The following GRM8 variants were observed in gnomAD, a reference collection of about 807,000 sequenced individuals.
GRM8 encodes the protein metabotropic glutamate receptor 8.
Under a neutral mutation model 87.2 loss-of-function variants are expected in GRM8, and 47 were observed. That is an observed-to-expected ratio of 0.54 (90% confidence interval 0.43 to 0.69). The LOEUF is 0.69. GRM8 is among the 30% of genes least tolerant of loss of function. The pLI is 0.00. For missense variants in GRM8, 1,019 were observed against 1,139.2 expected, an observed-to-expected ratio of 0.89 and a Z score of 1.52; for synonymous variants, 396 against 404.5, an observed-to-expected ratio of 0.98 and a Z score of 0.25.
At chr7:126,960,305 G>T (rs1456860675) in intron 3 of GRM8, among the ~76,000 whole-genome samples, 3 of 152,128 alleles carry the variant, frequency 2.0e-5, no homozygotes, top group Non-Finnish European at 4.4e-5. Flanking sequence ...ATGCAATACT[G>T]TTTTATTCAG....
At chr7:127,152,681 C>T (rs1356168828) in intron 2 of GRM8, among the ~76,000 whole-genome samples, 1 of 152,086 alleles carries the variant, frequency 6.6e-6, no homozygotes, top group East Asian at 1.9e-4. Context: ...TTGTTTTGAG[C>T]TCTCTTTATA....
intron 3 of GRM8, among the ~76,000 whole-genome samples, chr7:127,065,980 T>C (rs989208698): frequency 3.9e-5 from 6 of 152,248 alleles, no homozygotes; most frequent in Non-Finnish European, 7.3e-5. Flanking sequence ...CTGAAACTTT[T>C]GCTGAAAAGC....
At chr7:127,205,674 G>T (rs952909922) in intron 2 of GRM8, among the ~76,000 whole-genome samples, 1 of 152,114 alleles carries the variant, frequency 6.6e-6, no homozygotes, top group Non-Finnish European at 1.5e-5. Flanking sequence ...CTATGGCAGG[G>T]TAGAGAGAGA....
chr7:126,639,526 A>G (rs150160423), intron 7 of GRM8, among the ~76,000 whole-genome samples: 41 of 152,196 alleles, frequency 2.7e-4, no homozygotes, highest in African/African-American at 7.7e-4. Flanking sequence ...TTACATTAGT[A>G]GGGGTCATAA....
At chr7:127,115,222 C>T (rs186031502) in intron 2 of GRM8, among the ~76,000 whole-genome samples, 2 of 152,166 alleles carry the variant, frequency 1.3e-5, no homozygotes, top group South Asian at 4.1e-4. Flanking sequence ...TCCACGGCAG[C>T]CAGCAGACAG....
intron 7 of GRM8, among the ~76,000 whole-genome samples, chr7:126,707,692 T>C (rs73449067): frequency 0.017 from 2,626 of 152,182 alleles, 64 homozygotes; most frequent in African/African-American, 0.059. Flanking sequence ...TGAAACACTA[T>C]CTACATGAGA....
Position 126,685,622 on chromosome 7 carries a change from C to T in GRM8, c.1358-76124G>A, listed in dbSNP as rs1290272759. Among the ~76,000 whole-genome samples the T allele has an allele frequency of 6.6e-6, 1 of 152,086 alleles. No individual in the cohort carries two copies. Among genetic ancestry groups the T allele is most frequent in the Non-Finnish European group, 1.5e-5 (1 of 67,992 alleles). ...AGCACTGTTGCAGTTTGGCCAGGGGCATATGCTCAGGGCAGCAGTGACCCA... is the reference window on the plus strand; with the variant it reads ...AGCACTGTTGCAGTTTGGCCAGGGGTATATGCTCAGGGCAGCAGTGACCCA... On this transcript the variant is annotated intron_variant, in intron 7 of 10. Transcript: ENST00000339582. This position sits in a 1 kb window ranked among gnomAD's most constrained non-coding sequence, Gnocchi z 4.2.
At chr7:126,876,867 T>A (rs997971402) in intron 6 of GRM8, among the ~76,000 whole-genome samples, 2 of 151,930 alleles carry the variant, frequency 1.3e-5, no homozygotes, top group African/African-American at 4.8e-5. Flanking sequence ...ACTTGGGAAA[T>A]ATACAGTACT....
chr7:126,537,749 C>A (rs1440075211), intron 8 of GRM8, among the ~76,000 whole-genome samples: 3 of 152,032 alleles, frequency 2.0e-5, no homozygotes, highest in Non-Finnish European at 4.4e-5. Flanking sequence ...CGCACTCCAG[C>A]CTGGGTGACA....
At chr7:126,908,580 A>T (rs1298606599) in intron 3 of GRM8, among the ~76,000 whole-genome samples, 1 of 152,228 alleles carries the variant, frequency 6.6e-6, no homozygotes, top group East Asian at 1.9e-4. Flanking sequence ...TAAGTTCTGA[A>T]AATTTTTATT....
intron 10 of GRM8, among the ~76,000 whole-genome samples, chr7:126,445,689 A>C (rs1345428158): frequency 2.0e-5 from 3 of 152,056 alleles, no homozygotes; most frequent in African/African-American, 7.2e-5. Flanking sequence ...ATTTCCCTAA[A>C]GGCACAAATA....
intron 7 of GRM8, among the ~76,000 whole-genome samples, chr7:126,768,738 C>T (rs980234221): frequency 1.3e-5 from 2 of 151,874 alleles, no homozygotes; most frequent in African/African-American, 2.4e-5. Context: ...GGTAAACAAC[C>T]TTGTATTGCA....
chr7:126,451,232 A>G (rs1802583389), intron 9 of GRM8, among the ~76,000 whole-genome samples: 1 of 151,772 alleles, frequency 6.6e-6, no homozygotes, highest in Non-Finnish European at 1.5e-5. Context: ...CCCAATCTTC[A>G]TCCCTAAACT....
chr7:126,513,271 T>A (rs1811667747), intron 9 of GRM8, among the ~76,000 whole-genome samples: 1 of 152,108 alleles, frequency 6.6e-6, no homozygotes, highest in Non-Finnish European at 1.5e-5. Context: ...TTGTTTAGAA[T>A]GAATGTGTGT....
At chr7:126,446,075 A>C in intron 10 of GRM8, 51 bp downstream of exon 10, 2 of 1,606,364 alleles carry the variant, frequency 1.2e-6, no homozygotes, top group Non-Finnish European at 1.7e-6. Flanking sequence ...ACGTACATCT[A>C]TTAGGAAGTG....
intron 3 of GRM8, among the ~76,000 whole-genome samples, chr7:127,012,236 A>C (rs1814967256): frequency 6.6e-6 from 1 of 152,214 alleles, no homozygotes; most frequent in East Asian, 1.9e-4. Context: ...ACCCAGGCCT[A>C]GGTTTCCTTC....
intron 6 of GRM8, among the ~76,000 whole-genome samples, chr7:126,784,342 T>C (rs920840407): frequency 6.6e-6 from 1 of 152,256 alleles, no homozygotes; most frequent in African/African-American, 2.4e-5. Context: ...TTTTCATCTT[T>C]AAACTTTCGT....
At chr7:127,026,342 A>G (rs541274026) in intron 3 of GRM8, among the ~76,000 whole-genome samples, 1 of 152,292 alleles carries the variant, frequency 6.6e-6, no homozygotes, top group African/African-American at 2.4e-5. Context: ...AGAATGATTT[A>G]TAATCCTTTG....
Position 127,088,231 on chromosome 7 carries a change from A to G in GRM8, c.727+18265T>C, listed in dbSNP as rs1007155991. On this transcript the variant is annotated intron_variant, in intron 3 of 10. Coordinates refer to ENST00000339582, the MANE Select transcript of GRM8 (RefSeq NM_000845.3). ...GTGCTATTTTCACTGACTGGACTCAATTGGTGGTGGTGGTGGTGAGTGAAG... is the reference window on the plus strand; with the variant it reads ...GTGCTATTTTCACTGACTGGACTCAGTTGGTGGTGGTGGTGGTGAGTGAAG... 4.6e-5 allele frequency among the ~76,000 whole-genome samples: 7 copies of G among 152,100 alleles called. No homozygotes were observed. In the South Asian group the frequency reaches 8.3e-4, roughly 18 times the overall value.
Sources: gnomAD v4.1 joint callset for allele counts (sites outside exome capture counted in the v4.1 genomes callset) on GRCh38, gnomAD v4.1.1 for gene constraint, Gnocchi (gnomAD v3.1) non-coding constraint, MANE v1.5 for transcripts, NCBI Gene and HGNC (gene_info 2026-07-23, HGNC 2026-07-21) for gene names.